DDX23: variants seen among roughly 807,000 people sequenced by gnomAD.
The protein encoded by DDX23 is probable ATP-dependent RNA helicase DDX23.
DDX23 carries 33 observed loss-of-function variants against 102.7 expected under a neutral mutation model. The ratio of observed to expected loss-of-function variants is 0.32; its 90% CI spans 0.24 to 0.43. DDX23 has a LOEUF of 0.43. DDX23 is among the 20% of genes least tolerant of loss of function. DDX23 has a pLI of 1.00. For missense variants in DDX23, 549 were observed against 1,086.6 expected, an observed-to-expected ratio of 0.51 and a Z score of 6.96; for synonymous variants, 352 against 376.0, an observed-to-expected ratio of 0.94 and a Z score of 0.74.
At chr12:48,842,691 G>A (rs1390174781) in intron 3 of DDX23, among the ~76,000 whole-genome samples, 11 of 139,292 alleles carry the variant, frequency 7.9e-5, no homozygotes, top group African/African-American at 1.7e-4. Flanking sequence ...TCAGCCCCCC[G>A]CCCGGCCAGC....
At position 48,832,686 on chromosome 12, in the gene DDX23, G is replaced by T; in HGVS notation, c.1804-113C>A. ...GAATCTAAAATGGGCCACAGTATAG[G>T]CTTTGATAGCCACCACCTTAGAAAA... On this transcript the variant is annotated intron_variant, in intron 13 of 16. Coordinates refer to ENST00000308025, the MANE Select transcript of DDX23 (RefSeq NM_004818.3). This position sits in a 1 kb window ranked among gnomAD's most constrained non-coding sequence, Gnocchi z 4.4. 7.6e-7 allele frequency: 1 copy of T among 1,315,150 alleles called. No individual in the cohort carries two copies. The allele number at this position is 1,315,150 out of a possible 1,614,324, so 81.5% of individuals were successfully genotyped here. A position where few individuals can be genotyped will look rare whatever the true frequency, so the allele number is the denominator to read the frequency against.
At chr12:48,841,542 G>A (rs1455918402) in intron 3 of DDX23, among the ~76,000 whole-genome samples, 1 of 152,002 alleles carries the variant, frequency 6.6e-6, no homozygotes, top group East Asian at 1.9e-4. Flanking sequence ...TGCCATCTCG[G>A]CTCACTGCAA....
Position 48,836,338 on chromosome 12 carries a change from A to G in DDX23, c.1237-72T>C. On this transcript the variant is annotated intron_variant, in intron 10 of 16. Coordinates refer to ENST00000308025, the MANE Select transcript of DDX23 (RefSeq NM_004818.3). The surrounding 1 kb of genome is among the most constrained non-coding windows in gnomAD (Gnocchi z 6.1). The stretch of plus-strand genomic sequence containing the variant: ...CACCTGGGCAACCACTGATAGTAGT[A>G]AGCACATCTGCTAGCACAATGGAAG... 1 of 1,540,842 alleles carries G rather than the reference A, an allele frequency of 6.5e-7. No homozygotes were observed. Among genetic ancestry groups the G allele is most frequent in the Non-Finnish European group, 9.0e-7 (1 of 1,117,292 alleles).
chr12:48,840,175 C>T (rs1246470939), intron 3 of DDX23, 69 bp from the exon 4 acceptor site: 2 of 1,255,426 alleles, frequency 1.6e-6, no homozygotes, highest in Non-Finnish European at 2.3e-6. Context: ...AAGTTGAGCC[C>T]CGAAAAGAGA....
Position 48,831,302 on chromosome 12 carries a change from T to C in DDX23, c.2079A>G (p.Thr693=). ...GCTCCTGGCCTTTTCCACCGTGCAGTGTGCAAGCATTGTACTGTTGGAAGA... is the reference window on the plus strand; with the variant it reads ...GCTCCTGGCCTTTTCCACCGTGCAGCGTGCAAGCATTGTACTGTTGGAAGA... ...SLEKMGYNAC[T]LHGGKGQEQR... Residue 693 remains threonine, a synonymous_variant, in exon 16 of 17, where the codon ACA becomes ACG. Transcript: ENST00000308025. 3 of 1,614,142 alleles carry C rather than the reference T, an allele frequency of 1.9e-6. No individual in the cohort carries two copies. Among genetic ancestry groups the C allele is most frequent in the East Asian group, 2.2e-5 (1 of 44,886 alleles).
intron 3 of DDX23, among the ~76,000 whole-genome samples, chr12:48,841,151 C>T (rs1403028206): frequency 4.6e-5 from 7 of 151,926 alleles, no homozygotes; most frequent in African/African-American, 9.7e-5. Flanking sequence ...TTTGAGAGGC[C>T]GAGGTGGCCG....
In DDX23 at chr12:48,830,730, AT is replaced by A. The variant is rs1426824949; in HGVS notation, c.2240-39del. 3.9e-6 allele frequency: 6 copies of A among 1,556,354 alleles called. No homozygotes were observed. Among genetic ancestry groups the A allele is most frequent in the Non-Finnish European group, 3.5e-6 (4 of 1,148,988 alleles). On this transcript the variant is annotated intron_variant, in intron 16 of 16. Coordinates refer to ENST00000308025, the MANE Select transcript of DDX23 (RefSeq NM_004818.3). The surrounding 1 kb of genome is among the most constrained non-coding windows in gnomAD (Gnocchi z 4.9). ...AAGAACGTCACTCAGCATAGCCCAGATGCCCTGGGGAGCCGTGTCTGATGCC... is the reference window on the plus strand; with the variant it reads ...AAGAACGTCACTCAGCATAGCCCAGAGCCCTGGGGAGCCGTGTCTGATGCC...
intron 1 of DDX23, among the ~76,000 whole-genome samples, chr12:48,851,089 T>TG (rs1938749813): frequency 6.6e-6 from 1 of 152,172 alleles, no homozygotes; most frequent in Non-Finnish European, 1.5e-5. Context: ...AATGACGTAT[T>TG]TAACAAGCAT....
Position 48,833,446 on chromosome 12 carries a change from T to C in DDX23, c.1634A>G (p.Tyr545Cys). ...CCTATCTGCCTCATCCAGAACCACA[T>C]AGGTACAGCGGCTCAGCACCAGGTA... ...NRYLVLSRCT[Y>C]VVLDEADRMI... Residue 545 changes from tyrosine to cysteine, a missense_variant, in exon 13 of 17, where the codon TAT (tyrosine) becomes TGT (cysteine). By Grantham distance (194) the Tyr-to-Cys change is radical. Transcript: ENST00000308025. 2 of 1,614,158 alleles carry C rather than the reference T, an allele frequency of 1.2e-6. No homozygotes were observed. Among genetic ancestry groups the C allele is most frequent in the Non-Finnish European group, 8.5e-7 (1 of 1,180,038 alleles).
chr12:48,833,393 C>T lies in DDX23; in HGVS notation c.1687G>A (p.Val563Ile). The part of the protein sequence containing the change: ...RMIDMGFEPD[V>I]QKILEHMPVS... ...GGCATGTGCTCCAGGATCTTCTGGACATCTGGCTCAAAGCCCATGTCAATC... is the reference window on the plus strand; with the variant it reads ...GGCATGTGCTCCAGGATCTTCTGGATATCTGGCTCAAAGCCCATGTCAATC... The change falls in exon 13 of 17, where the codon GTC (valine) becomes ATC (isoleucine). Residue 563 changes from valine to isoleucine, a missense_variant. By Grantham distance (29) the Val-to-Ile change is conservative (BLOSUM62 3). Around this residue, in one of 4 missense-constraint regions of DDX23, gnomAD observed 270 missense variants for 707.0 expected, o/e 0.38. Coordinates refer to ENST00000308025, the MANE Select transcript of DDX23 (RefSeq NM_004818.3). 6.2e-7 allele frequency: 1 copy of T among 1,614,230 alleles called. No individual in the cohort carries two copies. Among genetic ancestry groups the T allele is most frequent in the Non-Finnish European group, 8.5e-7 (1 of 1,180,042 alleles).
chr12:48,837,764 G>C (rs1938485296), intron 6 of DDX23, 107 bp from the exon 7 acceptor site: 1 of 1,547,522 alleles, frequency 6.5e-7, no homozygotes, highest in African/African-American at 1.4e-5. Flanking sequence ...AAAAGGGGTA[G>C]ACTTATGATA....
Position 48,833,503 on chromosome 12 carries a change from G to A in DDX23, c.1577C>T (p.Pro526Leu). The A allele has an allele frequency of 6.2e-7, 1 of 1,614,076 alleles. No individual in the cohort carries two copies. The highest frequency in any genetic ancestry group is 8.5e-7 in the Non-Finnish European group (1 of 1,180,034). The part of the protein sequence containing the change: ...RMGCEIVIAT[P>L]GRLIDVLENR... ...CTCCAGCACATCAATCAAACGCCCA[G>A]GGGTAGCAATCACAATCTGAGGAGT... Residue 526 changes from proline (P) to leucine (L), a missense_variant, in exon 13 of 17, where the codon CCT becomes CTT. Physicochemically the swap from Pro to Leu is moderately conservative, Grantham distance 98 (BLOSUM62 -3). Coordinates refer to ENST00000308025, the MANE Select transcript of DDX23 (RefSeq NM_004818.3).
chr12:48,851,326 A>G (rs1938754473), intron 1 of DDX23, among the ~76,000 whole-genome samples: 1 of 152,164 alleles, frequency 6.6e-6, no homozygotes, highest in African/African-American at 2.4e-5. Context: ...ACAAAAAATT[A>G]GCCGGGCGTG....
Position 48,836,391 on chromosome 12 carries a change from G to A in DDX23, c.1237-125C>T. ...TGCCAAGTACAGTTCACAGAAATAG[G>A]GACCCCAAGAAGAAACCTAATCACT... is the stretch of plus-strand genomic sequence containing the variant. On this transcript the variant is annotated intron_variant, in intron 10 of 16. Transcript: ENST00000308025. This position sits in a 1 kb window ranked among gnomAD's most constrained non-coding sequence, Gnocchi z 6.1. 7.6e-7 allele frequency: 1 copy of A among 1,317,620 alleles called. No individual in the cohort carries two copies. The highest frequency in any genetic ancestry group is 1.1e-6 in the Non-Finnish European group (1 of 942,752). 81.6% of individuals were successfully genotyped at this position (1,317,620 alleles called of 1,614,324 possible). A position where few individuals can be genotyped will look rare whatever the true frequency, so the allele number is the denominator to read the frequency against.
At chr12:48,839,609 C>A in intron 5 of DDX23, 1 of 378,518 alleles carries the variant, frequency 2.6e-6, no homozygotes, top group Non-Finnish European at 4.7e-6. Flanking sequence ...GAGCCCTAAT[C>A]CAACACAAGG....
intron 1 of DDX23, among the ~76,000 whole-genome samples, chr12:48,846,773 C>T (rs1179199571): frequency 6.6e-6 from 1 of 152,178 alleles, no homozygotes; most frequent in Non-Finnish European, 1.5e-5. Flanking sequence ...TTCAGATTTT[C>T]ACAACCTTGG....
At chr12:48,845,254 T>C (rs940123720) in intron 2 of DDX23, among the ~76,000 whole-genome samples, 1 of 150,776 alleles carries the variant, frequency 6.6e-6, no homozygotes, top group African/African-American at 2.4e-5. Flanking sequence ...ATCGAGACCA[T>C]CCTGGCTAAC....
At chr12:48,843,295 T>TA (rs1042555081) in intron 3 of DDX23, among the ~76,000 whole-genome samples, 5,252 of 135,830 alleles carry the variant, frequency 0.039, 302 homozygotes, top group African/African-American at 0.13. Context: ...AATGATCAAT[T>TA]AAAAAAAAAA....
At position 48,844,017 on chromosome 12, in the gene DDX23, C is replaced by T; in HGVS notation, c.243G>A (p.Lys81=). The change falls in exon 3 of 17, where the codon AAG becomes AAA. Residue 81 remains lysine, a synonymous_variant. Transcript: ENST00000308025. The part of the protein sequence containing the change: ...ERRHKERERD[K]ERDRNKKDRD... ...GGTCCTTCTTATTCCGATCCCGCTC[C>T]TTATCTCGTTCTCGTTCTTTGTGCC... 1.3e-5 allele frequency: 21 copies of T among 1,614,158 alleles called. No individual in the cohort carries two copies. The highest frequency in any genetic ancestry group is 1.6e-5 in the Non-Finnish European group (19 of 1,180,008).
Sources: allele counts gnomAD v4.1 joint callset (sites outside exome capture counted in the v4.1 genomes callset), GRCh38; gene constraint gnomAD v4.1.1; regional missense constraint gnomAD v4.1.1; non-coding constraint Gnocchi (gnomAD v3.1); transcripts MANE v1.5; gene names NCBI Gene and HGNC (gene_info 2026-07-23, HGNC 2026-07-21).